The following GABRB1 variants were observed in gnomAD, a reference collection of about 807,000 sequenced individuals.
GABRB1 encodes the protein gamma-aminobutyric acid receptor subunit beta-1.
GABRB1 carries 17 observed loss-of-function variants against 51.6 expected under a neutral mutation model. The observed-to-expected ratio is 0.33, with a 90% CI of 0.23 to 0.49. The LOEUF is 0.49. Among genes scored for constraint, GABRB1 ranks in the 20% least tolerant of loss-of-function variants. The pLI, the probability that GABRB1 is intolerant of heterozygous loss-of-function variation, is 0.99. For missense variants in GABRB1, 410 were observed against 600.6 expected, an observed-to-expected ratio of 0.68 and a Z score of 3.32; for synonymous variants, 247 against 218.9, an observed-to-expected ratio of 1.13 and a Z score of -1.14.
chr4:47,213,421 G>GCTCTCTCTCTCTCTCA (rs1049223594), intron 4 of GABRB1, among the ~76,000 whole-genome samples: 9 of 148,308 alleles, frequency 6.1e-5, no homozygotes, highest in Non-Finnish European at 1.2e-4. Flanking sequence ...TTTCACATTC[G>GCTCTCTCTCTCTCTCA]CTCTCTCTCT....
chr4:47,285,288 C>G (rs1723466529), intron 4 of GABRB1, among the ~76,000 whole-genome samples: 2 of 152,290 alleles, frequency 1.3e-5, no homozygotes, highest in South Asian at 4.1e-4. Flanking sequence ...TTGTTTTCCT[C>G]TAGATCATGC....
intron 4 of GABRB1, among the ~76,000 whole-genome samples, chr4:47,215,914 T>A (rs1257070331): frequency 6.6e-6 from 1 of 152,112 alleles, no homozygotes; most frequent in African/African-American, 2.4e-5. Flanking sequence ...CTGAAATTAT[T>A]CACACAGGAG....
intron 5 of GABRB1, among the ~76,000 whole-genome samples, chr4:47,345,320 A>G (rs1726050462): frequency 6.6e-6 from 1 of 152,186 alleles, no homozygotes; most frequent in South Asian, 2.1e-4. Context: ...GGAGTTTTCA[A>G]GCAGTAAAGG....
At chr4:47,103,607 C>G (rs1714816589) in intron 3 of GABRB1, among the ~76,000 whole-genome samples, 1 of 151,764 alleles carries the variant, frequency 6.6e-6, no homozygotes, top group Admixed American at 6.6e-5. Flanking sequence ...CAAGTTAGTT[C>G]CAGCGAAATT....
In GABRB1 at chr4:47,403,646, T is replaced by A; in HGVS notation, c.770T>A (p.Ile257Asn). Residue 257 changes from isoleucine (I) to asparagine (N), a missense_variant, in exon 7 of 9, where the codon ATT becomes AAT. By Grantham distance (149) the Ile-to-Asn change is moderately radical. Transcript: ENST00000295454. Reference sequence around the variant, plus strand: ...CAAACCTACATGCCTTCTACACTGATTACAATTCTGTCCTGGGTGTCTTTT... The same window carrying A: ...CAAACCTACATGCCTTCTACACTGAATACAATTCTGTCCTGGGTGTCTTTT... Reference protein sequence around the residue: ...ILQTYMPSTLITILSWVSFWI... With the variant: ...ILQTYMPSTLNTILSWVSFWI... The A allele has an allele frequency of 6.2e-7, 1 of 1,613,886 alleles. No individual in the cohort carries two copies. Among genetic ancestry groups the A allele is most frequent in the Non-Finnish European group, 8.5e-7 (1 of 1,179,924 alleles).
At chr4:47,423,799 G>A (rs1215788851) in intron 8 of GABRB1, among the ~76,000 whole-genome samples, 11 of 152,084 alleles carry the variant, frequency 7.2e-5, no homozygotes, top group African/African-American at 2.4e-5. Context: ...ACTTCTTTGA[G>A]CCTTGGTTTT....
intron 1 of GABRB1, among the ~76,000 whole-genome samples, chr4:47,005,057 C>T (rs1005648135): frequency 6.6e-6 from 1 of 152,164 alleles, no homozygotes; most frequent in African/African-American, 2.4e-5. Flanking sequence ...GCCAGACACA[C>T]CTGGCTTTGT....
At chr4:47,258,743 G>C (rs922924650) in intron 4 of GABRB1, among the ~76,000 whole-genome samples, 1 of 152,018 alleles carries the variant, frequency 6.6e-6, no homozygotes, top group African/African-American at 2.4e-5. Context: ...AAATCACTGT[G>C]ATAATTGCAA....
chr4:47,038,638 G>T (rs1725700120), intron 3 of GABRB1, among the ~76,000 whole-genome samples: 2 of 152,186 alleles, frequency 1.3e-5, no homozygotes, highest in African/African-American at 4.8e-5. Context: ...CAGGGTGTTT[G>T]TCTTAGCTGA....
intron 5 of GABRB1, among the ~76,000 whole-genome samples, chr4:47,370,217 T>G (rs773655025): frequency 4.6e-5 from 7 of 152,176 alleles, no homozygotes; most frequent in Admixed American, 2.6e-4. Context: ...TTAAGAAAAG[T>G]CTGGCTTATG....
chr4:47,361,392 A>G (rs1307380005), intron 5 of GABRB1, among the ~76,000 whole-genome samples: 1 of 152,176 alleles, frequency 6.6e-6, no homozygotes, highest in Admixed American at 6.6e-5. Flanking sequence ...CAAGAGGAAC[A>G]TGGGTATTTG....
chr4:47,344,567 C>A (rs948326027), intron 5 of GABRB1, among the ~76,000 whole-genome samples: 1 of 152,084 alleles, frequency 6.6e-6, no homozygotes, highest in African/African-American at 2.4e-5. Context: ...TTTTACATGA[C>A]CACCTATTGC....
intron 4 of GABRB1, among the ~76,000 whole-genome samples, chr4:47,225,728 T>A (rs1435135258): frequency 6.6e-6 from 1 of 152,158 alleles, no homozygotes; most frequent in African/African-American, 2.4e-5. Flanking sequence ...TCCATTTATA[T>A]GGCTATCATT....
chr4:47,183,011 T>C (rs1719019184), intron 4 of GABRB1, among the ~76,000 whole-genome samples: 1 of 151,932 alleles, frequency 6.6e-6, no homozygotes, highest in South Asian at 2.1e-4. Context: ...CTTGTGTATT[T>C]ATTATTCTTG....
chr4:47,071,647 CT>C (rs751213665), intron 3 of GABRB1, among the ~76,000 whole-genome samples: 1,466 of 139,738 alleles, frequency 0.01, 15 homozygotes, highest in African/African-American at 0.031. Context: ...ATTTTTTTTT[CT>C]TTTTTTTTTT....
intron 3 of GABRB1, among the ~76,000 whole-genome samples, chr4:47,151,011 A>G (rs1485935437): frequency 2.6e-5 from 4 of 151,930 alleles, no homozygotes; most frequent in African/African-American, 9.7e-5. Flanking sequence ...CATTATAATC[A>G]GGCTATTCAT....
intron 1 of GABRB1, among the ~76,000 whole-genome samples, chr4:47,009,069 T>C (rs1013592856): frequency 6.7e-6 from 1 of 148,862 alleles, no homozygotes; most frequent in Non-Finnish European, 1.5e-5. Context: ...TTTCACTGTG[T>C]TAACCAGGAT....
At position 47,277,189 on chromosome 4, in the gene GABRB1, G is replaced by A. The variant is rs920956655; in HGVS notation, c.462-42938G>A. Among the ~76,000 whole-genome samples the A allele has an allele frequency of 4.0e-4, 61 of 152,210 alleles. 1 individual carries two copies. The highest frequency in any genetic ancestry group is 1.3e-3 in the African/African-American group (55 of 41,546). ...GAGTACTATTCAGCCATAAAAAAGA[G>A]TGAGATCCAACCATTTGCAACAATG... On this transcript the variant is annotated intron_variant, in intron 4 of 8. Coordinates refer to ENST00000295454, the MANE Select transcript of GABRB1 (RefSeq NM_000812.4).
intron 3 of GABRB1, among the ~76,000 whole-genome samples, chr4:47,104,261 A>G (rs965226067): frequency 6.6e-5 from 10 of 151,736 alleles, no homozygotes; most frequent in Admixed American, 2.6e-4. Context: ...AAAGTATAAT[A>G]TAGTCCTCAT....
Sources: gnomAD v4.1 joint callset for allele counts (sites outside exome capture counted in the v4.1 genomes callset) on GRCh38, gnomAD v4.1.1 for gene constraint, MANE v1.5 for transcripts, NCBI Gene and HGNC (gene_info 2026-07-23, HGNC 2026-07-21) for gene names.